The following SLC71A2 variants were observed in gnomAD, a reference collection of about 807,000 sequenced individuals.
SLC71A2 encodes solute carrier family 71 member 2, also known as hippocampus abundant transcript-like 1.
chr9:94,447,550 A>G, the SLC71A2 span, among the ~76,000 whole-genome samples: 17 of 150,476 alleles, frequency 1.1e-4, no homozygotes, highest in South Asian at 3.6e-3. Context: ...CAAAATTGAG[A>G]GTAAGATATA....
chr9:94,394,775 A>G, the SLC71A2 span, among the ~76,000 whole-genome samples: 2 of 134,634 alleles, frequency 1.5e-5, no homozygotes, highest in Non-Finnish European at 3.2e-5. Context: ...CTAACCAGAT[A>G]GCTATAAGTG....
chr9:94,375,133 T>C, the SLC71A2 span, among the ~76,000 whole-genome samples: 3 of 152,036 alleles, frequency 2.0e-5, no homozygotes, highest in Non-Finnish European at 4.4e-5. Flanking sequence ...GATTTGGTTA[T>C]TGTTTCAAAA....
chr9:94,425,258 C>T, the SLC71A2 span, among the ~76,000 whole-genome samples: 54 of 152,038 alleles, frequency 3.6e-4, no homozygotes, highest in Non-Finnish European at 6.2e-4. Context: ...GAGCCGAGAT[C>T]GTGCCACTGC....
At chr9:94,429,937 G>A in the SLC71A2 span, among the ~76,000 whole-genome samples, 2 of 141,934 alleles carry the variant, frequency 1.4e-5, no homozygotes, top group Admixed American at 7.3e-5. Context: ...ATGGAGTCTC[G>A]CTCTGTCACC....
chr9:94,453,880 G>A, the SLC71A2 span: 3 of 953,526 alleles, frequency 3.1e-6, no homozygotes, highest in Non-Finnish European at 5.1e-6. Flanking sequence ...CATCAGGGAA[G>A]GGTCTTCACA....
the SLC71A2 span, among the ~76,000 whole-genome samples, chr9:94,421,497 T>A: frequency 6.6e-6 from 1 of 152,198 alleles, no homozygotes; most frequent in Non-Finnish European, 1.5e-5. Context: ...GTTTATGAGA[T>A]TAATCCATGT....
the SLC71A2 span, among the ~76,000 whole-genome samples, chr9:94,452,648 C>CAT: frequency 4.4e-5 from 4 of 90,154 alleles, no homozygotes; most frequent in Admixed American, 2.2e-4. Flanking sequence ...TATATATATT[C>CAT]ATATATATTC....
the SLC71A2 span, among the ~76,000 whole-genome samples, chr9:94,403,237 A>C: frequency 6.6e-6 from 1 of 152,052 alleles, no homozygotes; most frequent in African/African-American, 2.4e-5. Context: ...GCCGGGTTCA[A>C]GTGATTCTCT....
chr9:94,382,242 G>T, the SLC71A2 span, among the ~76,000 whole-genome samples: 7 of 151,968 alleles, frequency 4.6e-5, no homozygotes, highest in Admixed American at 4.6e-4. Flanking sequence ...GCCCAGACTG[G>T]TCTTGAACTC....
chr9:94,382,024 G>GTT, the SLC71A2 span, among the ~76,000 whole-genome samples: 3 of 147,162 alleles, frequency 2.0e-5, no homozygotes, highest in African/African-American at 5.0e-5. Flanking sequence ...CTTTCCATAA[G>GTT]TTTTTTTTTT....
chr9:94,450,507 T>TTTTTTTTTTTTTTTTTTTTCC, the SLC71A2 span, among the ~76,000 whole-genome samples: 10 of 137,220 alleles, frequency 7.3e-5, no homozygotes, highest in Non-Finnish European at 9.3e-5. Context: ...TTTTTTTTTT[T>TTTTTTTTTTTTTTTTTTTTCC]GAGATGGAGT....
chr9:94,457,823 G>A, the SLC71A2 span, among the ~76,000 whole-genome samples: 1 of 152,212 alleles, frequency 6.6e-6, no homozygotes, highest in Non-Finnish European at 1.5e-5. Context: ...TACAGTTCAA[G>A]CTAACTTTTT....
chr9:94,457,064 T>C, the SLC71A2 span, among the ~76,000 whole-genome samples: 52 of 151,190 alleles, frequency 3.4e-4, no homozygotes, highest in African/African-American at 7.8e-4. Flanking sequence ...TCTCCTGGGC[T>C]CAAGTGATCT....
the SLC71A2 span, among the ~76,000 whole-genome samples, chr9:94,412,538 A>G: frequency 1.3e-5 from 2 of 152,084 alleles, no homozygotes; most frequent in Non-Finnish European, 2.9e-5. Context: ...TGTTTATAGC[A>G]GCATTATTCA....
At chr9:94,417,854 CCCCA>C in the SLC71A2 span, among the ~76,000 whole-genome samples, 352 of 36,380 alleles carry the variant, frequency 9.7e-3, no homozygotes, top group Middle Eastern at 0.016. Context: ...CAAGTTCCCA[CCCCA>C]CCCCCCCCCC....
the SLC71A2 span, among the ~76,000 whole-genome samples, chr9:94,394,750 A>G: frequency 2.7e-5 from 3 of 109,396 alleles, no homozygotes; most frequent in African/African-American, 9.5e-5. Context: ...GTAATTTTTT[A>G]GATGGAACAT....
the SLC71A2 span, among the ~76,000 whole-genome samples, chr9:94,423,824 C>G: frequency 6.6e-6 from 1 of 152,148 alleles, no homozygotes; most frequent in Non-Finnish European, 1.5e-5. Flanking sequence ...AATGTCAGGG[C>G]CTTTCTGTTC....
chr9:94,433,371 G>A, the SLC71A2 span: 1,202 of 143,656 alleles, frequency 8.4e-3, 12 homozygotes, highest in Non-Finnish European at 0.011. Context: ...GACACATTGC[G>A]TAAAAAAAAG....
the SLC71A2 span, among the ~76,000 whole-genome samples, chr9:94,395,156 C>G: frequency 6.9e-6 from 1 of 144,776 alleles, no homozygotes; most frequent in Non-Finnish European, 1.5e-5. Context: ...TCAAGTAATC[C>G]ACCCGCCTCA....
Sources: allele counts gnomAD v4.1 joint callset (sites outside exome capture counted in the v4.1 genomes callset), GRCh38; gene constraint gnomAD v4.1.1; transcripts MANE v1.5; gene names NCBI Gene and HGNC (gene_info 2026-07-23, HGNC 2026-07-21).